The following GLUD1 variants were observed in gnomAD, a reference collection of about 807,000 sequenced individuals.
The protein encoded by GLUD1 is glutamate dehydrogenase 1, also known as glutamate dehydrogenase 1, mitochondrial.
Under a neutral mutation model 56.0 loss-of-function variants are expected in GLUD1, and 22 were observed. The ratio of observed to expected loss-of-function variants is 0.39; its 90% CI spans 0.28 to 0.56. GLUD1 has a LOEUF of 0.56. GLUD1 is among the 20% of genes least tolerant of loss of function. The pLI is 0.58. For missense variants in GLUD1, 451 were observed against 732.0 expected (o/e 0.62, Z 4.43); for synonymous variants, 223 against 269.9 (o/e 0.83, Z 1.70).
At position 87,059,150 on chromosome 10, in the gene GLUD1, T is replaced by G. The variant is rs2133792192; in HGVS notation, c.1402A>C (p.Met468Leu). 1 of 1,612,706 alleles carries G rather than the reference T, an allele frequency of 6.2e-7. No homozygotes were observed. Among genetic ancestry groups the G allele is most frequent in the Non-Finnish European group, 8.5e-7 (1 of 1,180,000 alleles). ...YERDSNYHLL[M>L]SVQESLERKF... is the part of the protein sequence containing the mutation. ...GGCGAACAAGATTATCGATACTCAC[T>G]GAGCAAGTGGTAGTTAGAATCCCTT... Residue 468 changes from methionine (M) to leucine (L), a missense_variant and splice_region_variant, in exon 10 of 13, where the codon ATG (methionine) becomes CTG (leucine). By Grantham distance (15) the Met-to-Leu change is conservative (BLOSUM62 2). Around this residue, in one of 4 missense-constraint regions of GLUD1, gnomAD observed 248 missense variants for 460.0 expected, o/e 0.54. Transcript: ENST00000277865.
At chr10:87,058,980 C>A (rs1021446822) in intron 10 of GLUD1, among the ~76,000 whole-genome samples, 170 bp downstream of exon 10, 3 of 152,140 alleles carry the variant, frequency 2.0e-5, no homozygotes, top group African/African-American at 7.2e-5. Context: ...GAGTTAATAT[C>A]CAGAAAGACA....
intron 5 of GLUD1, among the ~76,000 whole-genome samples, chr10:87,064,158 C>T (rs929742146): frequency 2.0e-5 from 3 of 152,112 alleles, no homozygotes; most frequent in Admixed American, 6.6e-5. Context: ...CGTGATCCAC[C>T]CGCCTCGGCC....
intron 1 of GLUD1, among the ~76,000 whole-genome samples, chr10:87,093,260 T>C (rs939230866): frequency 6.6e-6 from 1 of 152,234 alleles, no homozygotes; most frequent in Non-Finnish European, 1.5e-5. Context: ...ACATCCTCTG[T>C]GCTTCTCAGC....
At chr10:87,090,835 C>A (rs921010706) in intron 1 of GLUD1, among the ~76,000 whole-genome samples, 1 of 152,128 alleles carries the variant, frequency 6.6e-6, no homozygotes, top group African/African-American at 2.4e-5. Context: ...GTCAATTGAG[C>A]ACAGCAAAAT....
At chr10:87,067,974 G>A (rs1846121652) in intron 5 of GLUD1, 89 bp downstream of exon 5, 3 of 773,572 alleles carry the variant, frequency 3.9e-6, no homozygotes, top group Admixed American at 3.9e-5. Context: ...AAAAACCCAG[G>A]GATTCTCAAC....
rs1564563035 is a variant in GLUD1 at position 87,083,839 on chromosome 10, G to GCA, written c.446-7185_446-7184dup. 2.4e-5 allele frequency among the ~76,000 whole-genome samples: 3 copies of GCA among 127,388 alleles called. No homozygotes were observed. The South Asian group carries it at 7.7e-4, about 33-fold the overall frequency. 83.6% of individuals were successfully genotyped at this position (127,388 alleles called of 152,430 possible). ...TCTACACACACACACACACACACAC[G>GCA]CACACACCGCATCTTAAAACTCTGT... On this transcript the variant is annotated intron_variant, in intron 1 of 12. Coordinates refer to ENST00000277865, the MANE Select transcript of GLUD1 (RefSeq NM_005271.5).
chr10:87,075,889 GAAC>G (rs1436172829), intron 3 of GLUD1, 76 bp downstream of exon 3: 9 of 1,007,944 alleles, frequency 8.9e-6, no homozygotes, highest in South Asian at 6.3e-5. Context: ...ACTCCGGCCT[GAAC>G]AACAGAGGAA....
chr10:87,072,206 A>C (rs1354249343), intron 4 of GLUD1, among the ~76,000 whole-genome samples: 1 of 152,204 alleles, frequency 6.6e-6, no homozygotes, highest in Non-Finnish European at 1.5e-5. Flanking sequence ...CCAGGAGGTC[A>C]AGGTTGCAGT....
chr10:87,073,770 G>A (rs753863520), intron 4 of GLUD1, among the ~76,000 whole-genome samples: 16 of 151,502 alleles, frequency 1.1e-4, no homozygotes, highest in Non-Finnish European at 1.9e-4. Flanking sequence ...AGGCACTCGC[G>A]ACCACGCCTG....
chr10:87,092,992 A>G (rs2133865958), intron 1 of GLUD1, among the ~76,000 whole-genome samples: 1 of 152,372 alleles, frequency 6.6e-6, no homozygotes, highest in South Asian at 2.1e-4. Context: ...ATCAGAGGTC[A>G]AAGTGGTTCA....
At chr10:87,088,634 C>A (rs925156241) in intron 1 of GLUD1, among the ~76,000 whole-genome samples, 3 of 152,022 alleles carry the variant, frequency 2.0e-5, no homozygotes, top group South Asian at 2.1e-4. Flanking sequence ...TAATGACAAA[C>A]GATAAAAGAA....
At chr10:87,066,853 C>T (rs968035744) in intron 5 of GLUD1, among the ~76,000 whole-genome samples, 13 of 152,308 alleles carry the variant, frequency 8.5e-5, no homozygotes, top group Non-Finnish European at 1.6e-4. Flanking sequence ...AGGTTGCACC[C>T]CTTTCAGGGA....
At chr10:87,052,226 C>A (rs1248233520) in intron 12 of GLUD1, among the ~76,000 whole-genome samples, 1 of 152,170 alleles carries the variant, frequency 6.6e-6, no homozygotes, top group Non-Finnish European at 1.5e-5. Flanking sequence ...GTTGCTCACA[C>A]CTGTAATCCC....
At chr10:87,063,446 C>T (rs1462438780) in intron 5 of GLUD1, among the ~76,000 whole-genome samples, 1 of 152,032 alleles carries the variant, frequency 6.6e-6, no homozygotes, top group East Asian at 1.9e-4. Flanking sequence ...AATAACATCA[C>T]AAAAGTAGAG....
At position 87,053,326 on chromosome 10, in the gene GLUD1, G is replaced by C; in HGVS notation, c.1557+16C>G. 1 of 1,582,794 alleles carries C rather than the reference G, an allele frequency of 6.3e-7. No homozygotes were observed. Among genetic ancestry groups the C allele is most frequent in the Admixed American group, 1.7e-5 (1 of 59,968 alleles). ...CATGTGACTAGCTGGAAGGCAAACAGCATCTGCACACATACCCTGGCAGAA... is the reference window on the plus strand; with the variant it reads ...CATGTGACTAGCTGGAAGGCAAACACCATCTGCACACATACCCTGGCAGAA... On this transcript the variant is annotated intron_variant, in intron 12 of 12. Transcript: ENST00000277865.
At chr10:87,079,038 G>GA (rs1327933116) in intron 1 of GLUD1, among the ~76,000 whole-genome samples, 3 of 151,994 alleles carry the variant, frequency 2.0e-5, no homozygotes, top group African/African-American at 7.2e-5. Flanking sequence ...GTTTTCACCA[G>GA]AAAAAATGAT....
rs1178665391 is a variant in GLUD1, at chr10:87,094,282, A to T, written c.445+43T>A. The T allele has an allele frequency of 2.0e-6, 3 of 1,480,218 alleles. No homozygotes were observed. The Admixed American group carries it at 6.0e-5, about 30-fold the overall frequency. 91.7% of individuals were successfully genotyped at this position (1,480,218 alleles called of 1,614,324 possible). A position where few individuals can be genotyped will look rare whatever the true frequency, so the allele number is the denominator to read the frequency against. On this transcript the variant is annotated intron_variant, in intron 1 of 12. Transcript: ENST00000277865. The surrounding 1 kb of genome is among the most constrained non-coding windows in gnomAD (Gnocchi z 6.6). ...GCAGGAGGCCGGAGGGGAGGGCCGC[A>T]GGGGAGGCAGGGAGGGCGGGACGGG...
intron 3 of GLUD1, among the ~76,000 whole-genome samples, chr10:87,075,455 A>G (rs1373529063): frequency 6.6e-6 from 1 of 152,218 alleles, no homozygotes; most frequent in African/African-American, 2.4e-5. Context: ...AAAATGATAA[A>G]GGATATAGAT....
At chr10:87,062,887 T>C (rs752143892) in intron 5 of GLUD1, 52 bp from the exon 6 acceptor site, 1 of 1,512,942 alleles carries the variant, frequency 6.6e-7, no homozygotes, top group Non-Finnish European at 9.2e-7. Context: ...ATTTCTCTGT[T>C]GAAGGAACAT....
Sources: gnomAD v4.1 joint callset for allele counts (sites outside exome capture counted in the v4.1 genomes callset) on GRCh38, gnomAD v4.1.1 for gene constraint, gnomAD v4.1.1 regional missense constraint, Gnocchi (gnomAD v3.1) non-coding constraint, MANE v1.5 for transcripts, NCBI Gene and HGNC (gene_info 2026-07-23, HGNC 2026-07-21) for gene names.